The following PTPRT variants were observed in gnomAD, a reference collection of about 807,000 sequenced individuals.
PTPRT encodes the protein protein tyrosine phosphatase receptor type T.
A neutral mutation model predicts 176.8 loss-of-function variants in PTPRT; 56 were observed. That is an observed-to-expected ratio of 0.32 (90% CI 0.26 to 0.40). The LOEUF is 0.40. Ranked by LOEUF, PTPRT falls within the 10% of genes least tolerant of loss-of-function variation. The pLI is 1.00. For missense variants in PTPRT, 1,540 were observed against 1,908.2 expected (o/e 0.81, Z 3.60); for synonymous variants, 783 against 739.0 (o/e 1.06, Z -0.96).
intron 1 of PTPRT, among the ~76,000 whole-genome samples, chr20:42,972,648 C>A (rs1047183506): frequency 1.0e-5 from 1 of 96,996 alleles, no homozygotes; most frequent in Non-Finnish European, 1.9e-5. Flanking sequence ...CCAGCCTGGG[C>A]AACAGAATGA....
At position 42,999,612 on chromosome 20, in the gene PTPRT, T is replaced by TGTTGTTG. The variant is rs199881893; in HGVS notation, c.89-113681_89-113680insCAACAAC. On this transcript the variant is annotated intron_variant, in intron 1 of 30. Transcript: ENST00000373187. Reference sequence around the variant, plus strand: ...CTCTAAAAAAAAAACTTGTGGTTTTTTTTTTGTTGTTGTTGTTGTTGTGGT... The same window carrying TGTTGTTG: ...CTCTAAAAAAAAAACTTGTGGTTTTTGTTGTTGTTTTTGTTGTTGTTGTTGTTGTGGT... Among the ~76,000 whole-genome samples the TGTTGTTG allele has an allele frequency of 5.2e-3, 732 of 141,886 alleles. 5 individuals are homozygous for TGTTGTTG. The highest frequency in any genetic ancestry group is 0.021 in the Middle Eastern group (6 of 288). The allele number at this position is 141,886 out of a possible 152,430, so 93.1% of individuals were successfully genotyped here. A position where few individuals can be genotyped will look rare whatever the true frequency, so the allele number is the denominator to read the frequency against.
At chr20:42,767,939 A>G (rs980143326) in intron 5 of PTPRT, among the ~76,000 whole-genome samples, 1 of 146,244 alleles carries the variant, frequency 6.8e-6, no homozygotes, top group Non-Finnish European at 1.5e-5. Context: ...TATATATTAT[A>G]ACATACTATA....
chr20:42,219,882 G>A (rs1377782803), intron 15 of PTPRT, among the ~76,000 whole-genome samples: 1 of 152,104 alleles, frequency 6.6e-6, no homozygotes, highest in Non-Finnish European at 1.5e-5. Context: ...AATATGACAA[G>A]GCAAGACAGA....
chr20:42,714,170 A>G (rs756447751), intron 6 of PTPRT, among the ~76,000 whole-genome samples: 3 of 152,324 alleles, frequency 2.0e-5, no homozygotes, highest in Middle Eastern at 6.8e-3. Flanking sequence ...GCTATGGGAT[A>G]GCTGAGGTCT....
At chr20:43,134,179 G>T (rs1158239429) in intron 1 of PTPRT, among the ~76,000 whole-genome samples, 1 of 152,112 alleles carries the variant, frequency 6.6e-6, no homozygotes, top group African/African-American at 2.4e-5. Flanking sequence ...ACACAACAAA[G>T]AAAAGGAAGG....
At chr20:43,012,317 G>A (rs1378716332) in intron 1 of PTPRT, among the ~76,000 whole-genome samples, 7 of 152,146 alleles carry the variant, frequency 4.6e-5, no homozygotes, top group Admixed American at 4.6e-4. Flanking sequence ...AGTGAAATAA[G>A]CCAGACAGAA....
In PTPRT at chr20:42,833,311, T is replaced by C. The variant is rs1202742279; in HGVS notation, c.215-41845A>G. On this transcript the variant is annotated intron_variant, in intron 2 of 30. Coordinates refer to ENST00000373187, the MANE Select transcript of PTPRT (RefSeq NM_007050.6). ...CTTGGCCAAGCATGAAGGTTCATGC[T>C]TGTAAATGCCAACACTATGAGAGGC... Among the ~76,000 whole-genome samples the C allele has an allele frequency of 4.0e-5, 6 of 150,164 alleles. No homozygotes were observed. In the East Asian group the frequency reaches 1.2e-3, roughly 29 times the overall value.
chr20:42,807,125 GA>G (rs1268902491), intron 2 of PTPRT, among the ~76,000 whole-genome samples: 3 of 152,236 alleles, frequency 2.0e-5, no homozygotes, highest in Non-Finnish European at 4.4e-5. Flanking sequence ...AAGTGCTTCA[GA>G]AAGTCCTCTT....
intron 1 of PTPRT, among the ~76,000 whole-genome samples, chr20:43,165,099 T>C (rs769480400): frequency 6.6e-6 from 1 of 151,920 alleles, no homozygotes; most frequent in East Asian, 1.9e-4. Context: ...GTTCTCATGA[T>C]AGTGAATAAG....
rs193218883 is a variant in PTPRT at position 42,917,841 on chromosome 20, C to T, written c.89-31909G>A. On this transcript the variant is annotated intron_variant, in intron 1 of 30. Transcript: ENST00000373187. ...TAGTTAGCTCTTCTCCTTCATTCTC[C>T]ATCTCATACAAAAGGAACTTCCGCT... Among the ~76,000 whole-genome samples the T allele has an allele frequency of 3.9e-5, 6 of 152,262 alleles. No homozygotes were observed. The East Asian group carries it at 1.2e-3, about 29-fold the overall frequency.
At chr20:42,708,300 GC>G in intron 6 of PTPRT, among the ~76,000 whole-genome samples, 1 of 152,088 alleles carries the variant, frequency 6.6e-6, no homozygotes, top group South Asian at 2.1e-4. Flanking sequence ...GATTTTTCTT[GC>G]CCCCAGCCCA....
chr20:42,282,613 AT>A (rs2057159396), intron 12 of PTPRT, 88 bp from the exon 13 acceptor site: 1 of 995,874 alleles, frequency 1.0e-6, no homozygotes, highest in Admixed American at 2.2e-5. Context: ...ATATATTTGC[AT>A]ATATATTCAT....
At chr20:42,869,484 C>T (rs1439298844) in intron 2 of PTPRT, among the ~76,000 whole-genome samples, 1 of 152,214 alleles carries the variant, frequency 6.6e-6, no homozygotes, top group Non-Finnish European at 1.5e-5. Context: ...GTGTTTTATA[C>T]TTACTTGGGA....
Position 42,161,530 on chromosome 20 carries a change from C to T in PTPRT, c.2504G>A (p.Arg835His), listed in dbSNP as rs373191879. The T allele has an allele frequency of 4.1e-5, 66 of 1,607,780 alleles. No individual in the cohort carries two copies. In the African/African-American group the frequency reaches 5.6e-4, roughly 14 times the overall value. Reference sequence around the variant, plus strand: ...GAGGGTGGGCTGGGAAAGCTCCCCGCGGCTGCCATCTGCTTCGAAAAGAAG... The same window carrying T: ...GAGGGTGGGCTGGGAAAGCTCCCCGTGGCTGCCATCTGCTTCGAAAAGAAG... ...QDVNGFTDGS[R>H]GELSQPTLTI... Residue 835 changes from arginine (R) to histidine (H), a missense_variant, in exon 17 of 31, where the codon CGC becomes CAC. Arg to His is a conservative substitution (Grantham distance 29, BLOSUM62 0). This residue lies in a region of PTPRT where 255 missense variants were observed against 250.1 expected (regional missense o/e 1.02). Transcript: ENST00000373187.
intron 1 of PTPRT, among the ~76,000 whole-genome samples, chr20:42,919,104 A>G (rs1978980384): frequency 6.6e-6 from 1 of 151,676 alleles, no homozygotes; most frequent in Non-Finnish European, 1.5e-5. Context: ...AACACAAAAC[A>G]CTCCTGGGGA....
rs142657064 is a variant in PTPRT, at chr20:42,237,028, C to T, written c.2313-770G>A. ...AGAAGCCCAGTTTCCCTGAGGCTAC[C>T]ATGCTGGAGAGATCACAGGAGAGCC... is the stretch of plus-strand genomic sequence containing the variant. On this transcript the variant is annotated intron_variant, in intron 14 of 30. Coordinates refer to ENST00000373187, the MANE Select transcript of PTPRT (RefSeq NM_007050.6). Among the ~76,000 whole-genome samples, 1,035 of 152,248 alleles carry T rather than the reference C, an allele frequency of 6.8e-3. 3 individuals are homozygous for T. Among genetic ancestry groups the T allele is most frequent in the Middle Eastern group, 0.014 (4 of 294 alleles).
chr20:43,155,853 T>C (rs1016245854), intron 1 of PTPRT, among the ~76,000 whole-genome samples: 1 of 152,230 alleles, frequency 6.6e-6, no homozygotes, highest in Non-Finnish European at 1.5e-5. Context: ...ATTTTTTTAA[T>C]GTAAATTGGT....
At chr20:42,852,967 G>T (rs2078501601) in intron 2 of PTPRT, among the ~76,000 whole-genome samples, 1 of 152,182 alleles carries the variant, frequency 6.6e-6, no homozygotes, top group African/African-American at 2.4e-5. Context: ...TGGTGGAGCT[G>T]CCCAGCAAAG....
At chr20:42,353,081 T>A (rs759743948) in intron 9 of PTPRT, among the ~76,000 whole-genome samples, 7 of 152,240 alleles carry the variant, frequency 4.6e-5, no homozygotes, top group Non-Finnish European at 8.8e-5. Flanking sequence ...CTTACAAATA[T>A]GTCTTTTACC....
Sources: gnomAD v4.1 joint callset for allele counts (sites outside exome capture counted in the v4.1 genomes callset) on GRCh38, gnomAD v4.1.1 for gene constraint, gnomAD v4.1.1 regional missense constraint, MANE v1.5 for transcripts, NCBI Gene and HGNC (gene_info 2026-07-23, HGNC 2026-07-21) for gene names.